Variants in P3H2 observed in about 807,000 individuals in gnomAD.
P3H2 encodes the protein prolyl 3-hydroxylase 2.
In P3H2, 80 loss-of-function variants were observed where a neutral mutation model predicts 87.0. That is an observed-to-expected ratio of 0.92 (90% CI 0.77 to 1.11). The LOEUF (loss-of-function observed/expected upper bound fraction) is 1.11, where lower values mean the gene tolerates loss of function less well. P3H2 is among the 50% of genes least tolerant of loss of function. The pLI, the probability that P3H2 is intolerant of heterozygous loss-of-function variation, is 0.00. For synonymous variants in P3H2, 367 were observed against 359.3 expected (o/e 1.02, Z -0.24); for missense variants, 1,001 against 923.9 (o/e 1.08, Z -1.08).
At chr3:190,011,588 A>C (rs1335375426) in intron 1 of P3H2, among the ~76,000 whole-genome samples, 1 of 152,220 alleles carries the variant, frequency 6.6e-6, no homozygotes, top group African/African-American at 2.4e-5. Context: ...GTTACTGAAA[A>C]GTGCTGAAAA....
intron 1 of P3H2, among the ~76,000 whole-genome samples, chr3:190,091,038 C>A (rs1727394788): frequency 6.6e-6 from 1 of 152,168 alleles, no homozygotes; most frequent in South Asian, 2.1e-4. Flanking sequence ...TACCTGCCAA[C>A]ACAGGTATTC....
rs112938637 is a variant in P3H2 at position 190,052,689 on chromosome 3, G to GTATATATA, written c.481-57255_481-57248dup. 2.9e-3 allele frequency among the ~76,000 whole-genome samples: 431 copies of GTATATATA among 148,498 alleles called. 5 individuals carry two copies. Among genetic ancestry groups the GTATATATA allele is most frequent in the African/African-American group, 0.01 (412 of 40,534 alleles). Reference sequence around the variant, plus strand: ...TATATACATATAAATGTGTGTGTGTGTATATATATATATATATGCATGTGT... The same window carrying GTATATATA: ...TATATACATATAAATGTGTGTGTGTGTATATATATATATATATATATATATGCATGTGT... On this transcript the variant is annotated intron_variant, in intron 1 of 14. Coordinates refer to ENST00000319332, the MANE Select transcript of P3H2 (RefSeq NM_018192.4).
At chr3:190,088,297 C>T (rs1393812792) in intron 1 of P3H2, among the ~76,000 whole-genome samples, 2 of 152,140 alleles carry the variant, frequency 1.3e-5, no homozygotes, top group South Asian at 2.1e-4. Context: ...TGGGATAATT[C>T]CCTTGGCAAT....
intron 1 of P3H2, among the ~76,000 whole-genome samples, chr3:190,008,499 T>G (rs1276423968): frequency 6.6e-6 from 1 of 152,146 alleles, no homozygotes; most frequent in Non-Finnish European, 1.5e-5. Flanking sequence ...TTATATCAAA[T>G]AGACTGTGAA....
At chr3:190,070,868 G>A (rs1726676104) in intron 1 of P3H2, among the ~76,000 whole-genome samples, 1 of 152,144 alleles carries the variant, frequency 6.6e-6, no homozygotes, top group Non-Finnish European at 1.5e-5. Context: ...GAGAAAAAAT[G>A]TTGTTCTTTT....
At chr3:190,019,795 T>A (rs1429773733) in intron 1 of P3H2, among the ~76,000 whole-genome samples, 613 of 48,440 alleles carry the variant, frequency 0.013, 66 homozygotes, top group African/African-American at 0.03. Flanking sequence ...AATATATATA[T>A]ATATATATAT....
intron 1 of P3H2, among the ~76,000 whole-genome samples, chr3:190,117,956 C>T (rs1177090979): frequency 6.6e-6 from 1 of 152,140 alleles, no homozygotes; most frequent in African/African-American, 2.4e-5. Context: ...GCTGGTAGAA[C>T]TGAAATGAAC....
At chr3:189,983,176 A>G in intron 7 of P3H2, 36 bp from the exon 8 acceptor site, 1 of 1,477,520 alleles carries the variant, frequency 6.8e-7, no homozygotes, top group Non-Finnish European at 9.5e-7. Context: ...GCAATTTGTC[A>G]TTGAATAACG....
chr3:189,978,423 T>C (rs1723418880), intron 8 of P3H2, among the ~76,000 whole-genome samples: 1 of 152,164 alleles, frequency 6.6e-6, no homozygotes, highest in Admixed American at 6.5e-5. Flanking sequence ...TTGAGACACC[T>C]TAATAAGCAT....
At chr3:190,062,898 G>A (rs761047462) in intron 1 of P3H2, among the ~76,000 whole-genome samples, 12 of 152,116 alleles carry the variant, frequency 7.9e-5, no homozygotes, top group Non-Finnish European at 1.5e-4. Context: ...ATACCAGAAT[G>A]GGATAACATC....
intron 14 of P3H2, 50 bp from the exon 15 acceptor site, chr3:189,958,054 CT>C: frequency 7.3e-7 from 1 of 1,374,154 alleles, no homozygotes; most frequent in Non-Finnish European, 1.0e-6. Flanking sequence ...AATAATCAGT[CT>C]CATCAGCAGA....
chr3:189,992,920 T>G (rs1167337921), intron 3 of P3H2, among the ~76,000 whole-genome samples: 1 of 152,226 alleles, frequency 6.6e-6, no homozygotes, highest in African/African-American at 2.4e-5. Flanking sequence ...TTTGCAATAC[T>G]TTCTATTTGT....
chr3:190,066,720 T>C (rs1242168557), intron 1 of P3H2, among the ~76,000 whole-genome samples: 1 of 152,162 alleles, frequency 6.6e-6, no homozygotes, highest in South Asian at 2.1e-4. Context: ...TTCAAATAAT[T>C]TGGGACTTAC....
chr3:190,115,610 G>A (rs1315431268), intron 1 of P3H2, among the ~76,000 whole-genome samples: 2 of 152,112 alleles, frequency 1.3e-5, no homozygotes, highest in Non-Finnish European at 2.9e-5. Flanking sequence ...AAGTGGGGTG[G>A]GAAAGGGGGT....
At chr3:190,113,368 C>T (rs998955110) in intron 1 of P3H2, among the ~76,000 whole-genome samples, 5 of 152,112 alleles carry the variant, frequency 3.3e-5, no homozygotes, top group African/African-American at 1.2e-4. Flanking sequence ...TAATAACTAC[C>T]ACTTCCACCC....
At chr3:189,969,310 A>T (rs1723100713) in intron 13 of P3H2, 2 of 919,748 alleles carry the variant, frequency 2.2e-6, no homozygotes, top group Non-Finnish European at 1.8e-6. Flanking sequence ...CCAGGTGCAG[A>T]ACATGAAGCT....
At chr3:189,973,073 C>G (rs745970243) in intron 10 of P3H2, 49 bp from the exon 11 acceptor site, 2 of 1,557,964 alleles carry the variant, frequency 1.3e-6, no homozygotes, top group Non-Finnish European at 1.8e-6. Flanking sequence ...CATTGGAGGT[C>G]GTAAGAAAAA....
In P3H2 at chr3:190,120,436, G is replaced by A. The variant is rs1425871886; in HGVS notation, c.296C>T (p.Pro99Leu). ...CAGCTCAGCGCCGGGGCCCTCGCCG[G>A]GGGGCGGGGGCGGGAGCGGGTGGCG... is the stretch of plus-strand genomic sequence containing the variant. ...AARHPLPPPP[P>L]GEGPGAELPL... The change falls in exon 1 of 15, where the codon CCC becomes CTC. Residue 99 changes from proline (P) to leucine (L), a missense_variant. Pro to Leu is a moderately conservative substitution (Grantham distance 98). Transcript: ENST00000319332. The A allele has an allele frequency of 4.2e-6, 6 of 1,440,214 alleles. No individual in the cohort carries two copies. Among genetic ancestry groups the A allele is most frequent in the East Asian group, 2.9e-5 (1 of 34,394 alleles). 89.2% of individuals were successfully genotyped at this position (1,440,214 alleles called of 1,614,324 possible).
At chr3:190,096,361 G>T (rs1025515686) in intron 1 of P3H2, among the ~76,000 whole-genome samples, 3 of 152,138 alleles carry the variant, frequency 2.0e-5, no homozygotes, top group African/African-American at 7.2e-5. Context: ...ACAAGATCTA[G>T]TGGTTTAAAA....
Sources: gnomAD v4.1 joint callset for allele counts (sites outside exome capture counted in the v4.1 genomes callset) on GRCh38, gnomAD v4.1.1 for gene constraint, MANE v1.5 for transcripts, NCBI Gene and HGNC (gene_info 2026-07-23, HGNC 2026-07-21) for gene names.